TRIM71: variants seen among roughly 807,000 people sequenced by gnomAD.
The protein encoded by TRIM71 is tripartite motif containing 71.
A neutral mutation model predicts 61.2 loss-of-function variants in TRIM71; 9 were observed. That is an observed-to-expected ratio of 0.15 (90% CI 0.09 to 0.26). TRIM71 has a LOEUF of 0.26. Ranked by LOEUF, TRIM71 falls within the 10% of genes least tolerant of loss-of-function variation. The probability of loss-of-function intolerance (pLI) is 1.00; values close to 1 mark genes in which losing one functional copy is unlikely to be tolerated. For synonymous variants in TRIM71, 645 were observed against 553.2 expected, an observed-to-expected ratio of 1.17 and a Z score of -2.33; for missense variants, 998 against 1,238.7, an observed-to-expected ratio of 0.81 and a Z score of 2.92.
chr3:32,839,276 G>A (rs1696375750), intron 1 of TRIM71, among the ~76,000 whole-genome samples: 1 of 151,802 alleles, frequency 6.6e-6, no homozygotes, highest in Non-Finnish European at 1.5e-5. Flanking sequence ...GGTCACCAAG[G>A]CTGGAGTGCA....
Position 32,818,206 on chromosome 3 carries a change from G to A in TRIM71, c.126G>A (p.Ser42=), listed in dbSNP as rs1340240845. The A allele has an allele frequency of 2.6e-6, 4 of 1,559,964 alleles. No homozygotes were observed. In the East Asian group the frequency reaches 9.8e-5, roughly 38 times the overall value. ...SSSSSQTSTS[S]GGGGGGPGAA... Reference sequence around the variant, plus strand: ...CCTCCTCGCAGACGTCCACGTCGTCGGGGGGCGGCGGCGGGGGCCCTGGGG... The same window carrying A: ...CCTCCTCGCAGACGTCCACGTCGTCAGGGGGCGGCGGCGGGGGCCCTGGGG... The change falls in exon 1 of 4, where the codon TCG becomes TCA. Residue 42 remains serine, a synonymous_variant. Transcript: ENST00000383763.
chr3:32,863,861 T>C (rs1696701420), intron 1 of TRIM71, among the ~76,000 whole-genome samples: 1 of 152,052 alleles, frequency 6.6e-6, no homozygotes, highest in South Asian at 2.1e-4. Flanking sequence ...TTTGTATTTT[T>C]AGTAGAGATG....
chr3:32,841,030 AG>A, intron 1 of TRIM71, among the ~76,000 whole-genome samples: 1 of 150,392 alleles, frequency 6.6e-6, no homozygotes, highest in East Asian at 2.0e-4. Context: ...GTGGACCATG[AG>A]GTCAGGAGAT....
chr3:32,869,912 G>T (rs114106111), intron 1 of TRIM71, among the ~76,000 whole-genome samples: 1 of 152,196 alleles, frequency 6.6e-6, no homozygotes, highest in Non-Finnish European at 1.5e-5. Flanking sequence ...TGCCCGGGAA[G>T]CCCCAAACAG....
At chr3:32,883,436 C>G (rs929542925) in intron 2 of TRIM71, among the ~76,000 whole-genome samples, 1 of 152,240 alleles carries the variant, frequency 6.6e-6, no homozygotes, top group Non-Finnish European at 1.5e-5. Context: ...TTTCCTCATC[C>G]TGGCTTTTGG....
At chr3:32,834,842 A>T (rs1696314892) in intron 1 of TRIM71, among the ~76,000 whole-genome samples, 1 of 151,710 alleles carries the variant, frequency 6.6e-6, no homozygotes, top group East Asian at 1.9e-4. Context: ...CTCCATCTCA[A>T]AAAAAAAGGG....
At chr3:32,840,271 G>C (rs1489613854) in intron 1 of TRIM71, among the ~76,000 whole-genome samples, 2 of 146,380 alleles carry the variant, frequency 1.4e-5, no homozygotes, top group Admixed American at 1.4e-4. Context: ...ATCTCTGATT[G>C]GAATCTCCCT....
intron 1 of TRIM71, among the ~76,000 whole-genome samples, chr3:32,843,898 G>A (rs1373935120): frequency 6.6e-6 from 1 of 152,006 alleles, no homozygotes; most frequent in Non-Finnish European, 1.5e-5. Flanking sequence ...CCTTTGTGGA[G>A]GAGCTCCATA....
chr3:32,829,512 G>A (rs972783253), intron 1 of TRIM71, among the ~76,000 whole-genome samples: 5 of 152,180 alleles, frequency 3.3e-5, no homozygotes, highest in Non-Finnish European at 7.3e-5. Context: ...ATATTGTGTG[G>A]GGGCTGGGGA....
At chr3:32,872,761 G>A (rs1275000762) in intron 1 of TRIM71, among the ~76,000 whole-genome samples, 2 of 152,156 alleles carry the variant, frequency 1.3e-5, no homozygotes, top group Admixed American at 1.3e-4. Context: ...TAACACTGTG[G>A]CCTTGAGCAC....
intron 1 of TRIM71, among the ~76,000 whole-genome samples, chr3:32,832,116 A>C (rs999298096): frequency 1.3e-5 from 2 of 152,144 alleles, no homozygotes; most frequent in African/African-American, 4.8e-5. Context: ...GGGATTCTCT[A>C]CTTCCCTATA....
At chr3:32,849,473 C>T (rs940639174) in intron 1 of TRIM71, among the ~76,000 whole-genome samples, 1 of 152,182 alleles carries the variant, frequency 6.6e-6, no homozygotes, top group Non-Finnish European at 1.5e-5. Flanking sequence ...GTTCTCCTGC[C>T]TCAGCTTCCC....
At chr3:32,833,655 T>C (rs1246239364) in intron 1 of TRIM71, among the ~76,000 whole-genome samples, 4 of 151,122 alleles carry the variant, frequency 2.6e-5, no homozygotes, top group Admixed American at 2.0e-4. Flanking sequence ...TATTTATTTA[T>C]TTATTTATTT....
intron 1 of TRIM71, among the ~76,000 whole-genome samples, chr3:32,852,794 G>A (rs1209802606): frequency 6.6e-6 from 1 of 151,706 alleles, no homozygotes; most frequent in Non-Finnish European, 1.5e-5. Flanking sequence ...ACTTTATCTG[G>A]TATTTAGTAT....
intron 1 of TRIM71, among the ~76,000 whole-genome samples, chr3:32,868,117 A>G (rs1575354385): frequency 6.6e-6 from 1 of 152,058 alleles, no homozygotes; most frequent in Non-Finnish European, 1.5e-5. Flanking sequence ...CACCCATCAA[A>G]GCCTTCCACC....
At chr3:32,837,763 A>G (rs1696351287) in intron 1 of TRIM71, among the ~76,000 whole-genome samples, 1 of 152,102 alleles carries the variant, frequency 6.6e-6, no homozygotes, top group South Asian at 2.1e-4. Flanking sequence ...CCGACATTAT[A>G]CCACTGCACT....
rs369764230 is a variant in TRIM71, at chr3:32,897,442, AGAT to A, written c.*5633_*5635del. The A allele has an allele frequency of 3.9e-5, 6 of 152,324 alleles. No homozygotes were observed. The East Asian group carries it at 9.6e-4, about 24-fold the overall frequency. 9.4% of individuals were successfully genotyped at this position (152,324 alleles called of 1,614,324 possible). A position where few individuals can be genotyped will look rare whatever the true frequency, so the allele number is the denominator to read the frequency against. ...GTAATGTGAATCCCATCAATGCAGTAGATGGGTGGGGAAATGAAGATTTCCCCC... is the reference window on the plus strand; with the variant it reads ...GTAATGTGAATCCCATCAATGCAGTAGGGTGGGGAAATGAAGATTTCCCCC... On this transcript the variant is annotated 3_prime_UTR_variant, in exon 4 of 4. Coordinates refer to ENST00000383763, the MANE Select transcript of TRIM71 (RefSeq NM_001039111.3).
intron 1 of TRIM71, among the ~76,000 whole-genome samples, chr3:32,831,484 C>T (rs924417334): frequency 6.6e-6 from 1 of 151,442 alleles, no homozygotes; most frequent in Admixed American, 6.6e-5. Flanking sequence ...CTGCAAGTTG[C>T]AGCCAAACAG....
At chr3:32,846,072 CTTTTTTTTTT>C (rs35520432) in intron 1 of TRIM71, among the ~76,000 whole-genome samples, 1 of 92,762 alleles carries the variant, frequency 1.1e-5, no homozygotes, top group African/African-American at 4.2e-5. Context: ...TGGTAAGCCA[CTTTTTTTTTT>C]TTTTTTTTTT....
Sources: gnomAD v4.1 joint callset for allele counts (sites outside exome capture counted in the v4.1 genomes callset) on GRCh38, gnomAD v4.1.1 for gene constraint, MANE v1.5 for transcripts, NCBI Gene and HGNC (gene_info 2026-07-23, HGNC 2026-07-21) for gene names.